Variants in PTPRG observed in about 807,000 individuals in gnomAD.
PTPRG encodes protein tyrosine phosphatase receptor type G, also known as receptor-type tyrosine-protein phosphatase gamma.
Under a neutral mutation model 165.3 loss-of-function variants are expected in PTPRG, and 102 were observed. That is an observed-to-expected ratio of 0.62 (90% CI 0.53 to 0.73). PTPRG has a LOEUF of 0.73. PTPRG is among the 30% of genes least tolerant of loss of function. The pLI is 0.00. For synonymous variants in PTPRG, 675 were observed against 669.5 expected, an observed-to-expected ratio of 1.01 and a Z score of -0.13; for missense variants, 1,866 against 1,861.4, an observed-to-expected ratio of 1.00 and a Z score of -0.05.
At chr3:61,598,371 G>A (rs1229159458) in intron 1 of PTPRG, among the ~76,000 whole-genome samples, 1 of 152,160 alleles carries the variant, frequency 6.6e-6, no homozygotes, top group African/African-American at 2.4e-5. Flanking sequence ...CAGTGAGGCA[G>A]CGCAGCTAGT....
chr3:61,751,995 G>GA (rs917026267), intron 2 of PTPRG, among the ~76,000 whole-genome samples: 87 of 143,392 alleles, frequency 6.1e-4, no homozygotes, highest in East Asian at 4.4e-3. Flanking sequence ...CTCTGTCTCA[G>GA]AAAAAAAAAA....
intron 2 of PTPRG, among the ~76,000 whole-genome samples, chr3:61,797,335 A>T (rs979860244): frequency 6.6e-6 from 1 of 152,214 alleles, no homozygotes; most frequent in Non-Finnish European, 1.5e-5. Flanking sequence ...ATATTTGAAC[A>T]TCACTGAGAT....
chr3:62,044,811 T>A (rs1255415143), intron 4 of PTPRG, among the ~76,000 whole-genome samples: 1 of 152,210 alleles, frequency 6.6e-6, no homozygotes, highest in African/African-American at 2.4e-5. Flanking sequence ...TTGGAATTAA[T>A]TACCCTTCTG....
At chr3:61,763,895 A>C (rs575370262) in intron 2 of PTPRG, among the ~76,000 whole-genome samples, 1 of 152,276 alleles carries the variant, frequency 6.6e-6, no homozygotes, top group Non-Finnish European at 1.5e-5. Flanking sequence ...AATTTAAATT[A>C]ATTAAAATGA....
chr3:61,840,590 GAATA>G (rs1272838617), intron 2 of PTPRG, among the ~76,000 whole-genome samples: 2 of 152,064 alleles, frequency 1.3e-5, no homozygotes, highest in African/African-American at 4.8e-5. Flanking sequence ...TAAGCTCTAG[GAATA>G]AATATTCTTT....
chr3:62,041,894 A>T (rs545534000), intron 4 of PTPRG, among the ~76,000 whole-genome samples: 1 of 152,200 alleles, frequency 6.6e-6, no homozygotes, highest in African/African-American at 2.4e-5. Context: ...TGACTCACAC[A>T]GTGCTGAGTG....
chr3:62,130,451 G>C (rs553688772), intron 5 of PTPRG, among the ~76,000 whole-genome samples: 7 of 152,182 alleles, frequency 4.6e-5, no homozygotes, highest in Non-Finnish European at 1.0e-4. Context: ...GCAAAGTCAA[G>C]TTGTAAAGGC....
chr3:62,062,037 C>A (rs1189644018), intron 4 of PTPRG, among the ~76,000 whole-genome samples: 4 of 151,712 alleles, frequency 2.6e-5, no homozygotes, highest in Non-Finnish European at 4.4e-5. Flanking sequence ...TGGTGGCTCA[C>A]GCCTGTAATC....
chr3:62,189,643 T>G (rs1576114591), intron 8 of PTPRG, among the ~76,000 whole-genome samples: 1 of 152,140 alleles, frequency 6.6e-6, no homozygotes, highest in Non-Finnish European at 1.5e-5. Flanking sequence ...GACCTGCCAT[T>G]CCTCCCTGGT....
chr3:62,120,862 GT>G (rs1436870931), intron 5 of PTPRG, among the ~76,000 whole-genome samples: 8 of 152,336 alleles, frequency 5.3e-5, no homozygotes, highest in African/African-American at 1.9e-4. Flanking sequence ...ATAGCCAGAA[GT>G]TGGAGTATTT....
At chr3:61,714,265 C>A (rs2031705261) in intron 1 of PTPRG, among the ~76,000 whole-genome samples, 2 of 152,018 alleles carry the variant, frequency 1.3e-5, no homozygotes, top group African/African-American at 4.8e-5. Flanking sequence ...ATAATAGAAG[C>A]CCTGTTTTTC....
intron 12 of PTPRG, among the ~76,000 whole-genome samples, chr3:62,216,483 G>C (rs1178039020): frequency 6.6e-6 from 1 of 152,082 alleles, no homozygotes; most frequent in Non-Finnish European, 1.5e-5. Context: ...GTGGCCTATA[G>C]CGTCAACCCT....
intron 1 of PTPRG, among the ~76,000 whole-genome samples, chr3:61,593,873 A>C (rs2106828736): frequency 6.6e-6 from 1 of 152,264 alleles, no homozygotes; most frequent in South Asian, 2.1e-4. Context: ...CCTTGAAGGC[A>C]ATTGGAAAGA....
intron 1 of PTPRG, among the ~76,000 whole-genome samples, chr3:61,581,536 C>T (rs1333297799): frequency 1.3e-5 from 2 of 151,604 alleles, no homozygotes; most frequent in East Asian, 1.9e-4. Context: ...AGTTTTAGAG[C>T]GTGTGGCCAC....
chr3:61,938,286 A>G (rs1367274514), intron 2 of PTPRG, among the ~76,000 whole-genome samples: 1 of 149,468 alleles, frequency 6.7e-6, no homozygotes, highest in African/African-American at 2.5e-5. Flanking sequence ...TTGGATAACC[A>G]CATGATACGG....
At chr3:61,875,323 G>GTGCT (rs939959895) in intron 2 of PTPRG, among the ~76,000 whole-genome samples, 7 of 152,264 alleles carry the variant, frequency 4.6e-5, no homozygotes, top group Non-Finnish European at 8.8e-5. Flanking sequence ...GAGGGCCCTG[G>GTGCT]TGCTGCCTGG....
chr3:62,044,388 A>T (rs954072745), intron 4 of PTPRG, among the ~76,000 whole-genome samples: 1 of 152,096 alleles, frequency 6.6e-6, no homozygotes, highest in Non-Finnish European at 1.5e-5. Context: ...AAAATACAAA[A>T]ATTAGCCGGG....
intron 1 of PTPRG, among the ~76,000 whole-genome samples, chr3:61,656,711 T>C (rs965309700): frequency 2.0e-5 from 3 of 152,272 alleles, no homozygotes; most frequent in African/African-American, 7.2e-5. Context: ...GCCTGGGTCA[T>C]GTCCAACATT....
chr3:62,053,948 G>C (rs1353599865), intron 4 of PTPRG, among the ~76,000 whole-genome samples: 9 of 152,096 alleles, frequency 5.9e-5, no homozygotes, highest in Non-Finnish European at 1.2e-4. Flanking sequence ...CAAATATGAA[G>C]GGTACTACAT....
Sources: allele counts gnomAD v4.1 joint callset (sites outside exome capture counted in the v4.1 genomes callset), GRCh38; gene constraint gnomAD v4.1.1; transcripts MANE v1.5; gene names NCBI Gene and HGNC (gene_info 2026-07-23, HGNC 2026-07-21).